WNK1: variants seen among roughly 807,000 people sequenced by gnomAD.
WNK1 encodes WNK lysine deficient protein kinase 1, also known as serine/threonine-protein kinase WNK1.
A neutral mutation model predicts 222.8 loss-of-function variants in WNK1; 38 were observed. The observed-to-expected ratio is 0.17, with a 90% CI of 0.13 to 0.22. WNK1 has a LOEUF of 0.22. Among genes scored for constraint, WNK1 ranks in the 10% least tolerant of loss-of-function variants. WNK1 has a pLI of 1.00. For synonymous variants in WNK1, 1,090 were observed against 1,092.9 expected, an observed-to-expected ratio of 1.00 and a Z score of 0.05; for missense variants, 2,348 against 2,918.4, an observed-to-expected ratio of 0.80 and a Z score of 4.50.
intron 25 of WNK1, among the ~76,000 whole-genome samples, chr12:897,918 C>T (rs1326046347): frequency 6.6e-6 from 1 of 152,164 alleles, no homozygotes; most frequent in African/African-American, 2.4e-5. Flanking sequence ...TTGCTATCTA[C>T]TGGTAATCTT....
chr12:906,645 A>G (rs1304684265), intron 26 of WNK1: 9 of 985,182 alleles, frequency 9.1e-6, no homozygotes, highest in African/African-American at 3.5e-5. Context: ...GGGAGAGGTT[A>G]ACCCCTCCCA....
intron 1 of WNK1, among the ~76,000 whole-genome samples, chr12:772,411 G>A (rs1244881782): frequency 4.2e-5 from 3 of 71,364 alleles, no homozygotes; most frequent in Non-Finnish European, 1.1e-4. Context: ...TGGGGTGTGT[G>A]TGTGTGTGTG....
At chr12:780,674 A>G (rs1175669728) in intron 1 of WNK1, among the ~76,000 whole-genome samples, 2 of 152,236 alleles carry the variant, frequency 1.3e-5, no homozygotes, top group Admixed American at 1.3e-4. Flanking sequence ...GAAATTCTGA[A>G]TTAATACTTA....
intron 8 of WNK1, among the ~76,000 whole-genome samples, chr12:867,249 G>C (rs949977488): frequency 6.6e-6 from 1 of 152,156 alleles, no homozygotes; most frequent in African/African-American, 2.4e-5. Flanking sequence ...TAATCATCTA[G>C]CTTGGGAGAG....
At chr12:843,493 A>G (rs1487347549) in intron 4 of WNK1, among the ~76,000 whole-genome samples, 4 of 152,240 alleles carry the variant, frequency 2.6e-5, no homozygotes, top group Non-Finnish European at 5.9e-5. Context: ...GGGCATTTCC[A>G]CATTTTTGCA....
intron 1 of WNK1, among the ~76,000 whole-genome samples, chr12:766,930 C>T (rs1941782628): frequency 6.6e-6 from 1 of 152,124 alleles, no homozygotes; most frequent in Admixed American, 6.5e-5. Context: ...GTGTCTGCCA[C>T]CCCACCTGGC....
At chr12:877,517 A>T (rs1018710108) in intron 9 of WNK1, among the ~76,000 whole-genome samples, 1 of 152,200 alleles carries the variant, frequency 6.6e-6, no homozygotes, top group Non-Finnish European at 1.5e-5. Flanking sequence ...CGCACCATGC[A>T]TTAAATTATA....
chr12:790,500 G>A (rs1944731657), intron 1 of WNK1, among the ~76,000 whole-genome samples: 7 of 152,108 alleles, frequency 4.6e-5, no homozygotes. Context: ...GTTGTCTATG[G>A]GTACTGTTGC....
intron 1 of WNK1, chr12:781,299 T>G (rs1276993849): frequency 1.3e-5 from 2 of 153,004 alleles, no homozygotes; most frequent in Non-Finnish European, 2.9e-5. Flanking sequence ...TACTGTTTAC[T>G]GCCCATCTTT....
At chr12:769,457 C>G (rs893615269) in intron 1 of WNK1, among the ~76,000 whole-genome samples, 3 of 152,248 alleles carry the variant, frequency 2.0e-5, no homozygotes, top group African/African-American at 7.2e-5. Flanking sequence ...CCGTCTCAGC[C>G]TCCCAAAGTG....
At chr12:820,642 T>G (rs1947784426) in intron 2 of WNK1, among the ~76,000 whole-genome samples, 1 of 151,988 alleles carries the variant, frequency 6.6e-6, no homozygotes, top group African/African-American at 2.4e-5. Flanking sequence ...GCCTGGCTAA[T>G]TTTTAAATTT....
At chr12:888,227 A>G (rs1953859539) in intron 20 of WNK1, among the ~76,000 whole-genome samples, 1 of 152,188 alleles carries the variant, frequency 6.6e-6, no homozygotes, top group African/African-American at 2.4e-5. Flanking sequence ...CTTTGGTCCC[A>G]ATGTACAGGG....
At chr12:874,637 T>G (rs1490892626) in intron 9 of WNK1, among the ~76,000 whole-genome samples, 1 of 152,192 alleles carries the variant, frequency 6.6e-6, no homozygotes, top group African/African-American at 2.4e-5. Context: ...TATGTAAATT[T>G]CTAAAAAACA....
At chr12:818,764 G>A (rs1217306260) in intron 2 of WNK1, among the ~76,000 whole-genome samples, 1 of 152,154 alleles carries the variant, frequency 6.6e-6, no homozygotes, top group Non-Finnish European at 1.5e-5. Context: ...ACTTAGCATG[G>A]TGTTTTCGAG....
chr12:813,625 T>A lies in WNK1; in HGVS notation c.760-17T>A. ...TTATCATTTTAAACCACATTCTGTT[T>A]TGGTTTTTGATTTTAGGATCGAAAA... On this transcript the variant is annotated splice_polypyrimidine_tract_variant and intron_variant, in intron 1 of 27. Coordinates refer to ENST00000315939, the MANE Select transcript of WNK1 (RefSeq NM_018979.4). 1 of 1,612,224 alleles carries A rather than the reference T, an allele frequency of 6.2e-7. No homozygotes were observed. The highest frequency in any genetic ancestry group is 8.5e-7 in the Non-Finnish European group (1 of 1,179,478).
chr12:753,346 G>A lies in WNK1; in HGVS notation c.-220G>A, dbSNP rs1304852450. On this transcript the variant is annotated 5_prime_UTR_variant, in exon 1 of 28. In the 5' UTR this introduces an upstream ATG that the reference lacks. Transcript: ENST00000315939. The surrounding 1 kb of genome is among the most constrained non-coding windows in gnomAD (Gnocchi z 5.2). ...AATCGCCCGCCTTCGAGCCCTCCTC[G>A]TGAGCCGCAGCAGCCTCGGTGCCAG... 5 of 607,572 alleles carry A rather than the reference G, an allele frequency of 8.2e-6. No individual in the cohort carries two copies. The highest frequency in any genetic ancestry group is 1.9e-5 in the African/African-American group (1 of 51,832). 37.6% of individuals were successfully genotyped at this position (607,572 alleles called of 1,614,324 possible).
chr12:785,640 A>C (rs551137198), intron 1 of WNK1, among the ~76,000 whole-genome samples: 1 of 151,670 alleles, frequency 6.6e-6, no homozygotes, highest in Admixed American at 6.6e-5. Context: ...CTCGTGATCC[A>C]CCCGCCTCAG....
At position 879,488 on chromosome 12, in the gene WNK1, A is replaced by G. The variant is rs533823423; in HGVS notation, c.2374-85A>G. 1.0e-4 allele frequency: 89 copies of G among 878,448 alleles called. 2 individuals carry two copies. The African/African-American group carries it at 1.4e-3, about 14-fold the overall frequency. The allele number at this position is 878,448 out of a possible 1,614,324, so 54.4% of individuals were successfully genotyped here. On this transcript the variant is annotated intron_variant, in intron 10 of 27. Transcript: ENST00000315939. ...TTTTTTCCTTCTTTTTGGCTAATAC[A>G]TAAATCTTGCTTTTGGCAGCCTTGC...
Position 775,268 on chromosome 12 carries a change from A to G in WNK1, c.759+20944A>G, listed in dbSNP as rs73041118. Among the ~76,000 whole-genome samples the G allele has an allele frequency of 7.0e-3, 1,060 of 152,328 alleles. 4 individuals carry two copies. Among genetic ancestry groups the G allele is most frequent in the South Asian group, 0.011 (52 of 4,834 alleles). On this transcript the variant is annotated intron_variant, in intron 1 of 27. Transcript: ENST00000315939. ...CCCTTATTTCTGTATTTACTAGTAG[A>G]GAGTAAATTAAGACATTACTGAATA...
Sources: allele counts gnomAD v4.1 joint callset (sites outside exome capture counted in the v4.1 genomes callset), GRCh38; gene constraint gnomAD v4.1.1; non-coding constraint Gnocchi (gnomAD v3.1); transcripts MANE v1.5; gene names NCBI Gene and HGNC (gene_info 2026-07-23, HGNC 2026-07-21).